PCDH11X: variants seen among roughly 807,000 people sequenced by gnomAD.
PCDH11X encodes the protein protocadherin-11 X-linked.
Under a neutral mutation model 53.3 loss-of-function variants are expected in PCDH11X, and 18 were observed. The ratio of observed to expected loss-of-function variants is 0.34; its 90% confidence interval spans 0.23 to 0.50. The LOEUF is 0.50. Among genes scored for constraint, PCDH11X ranks in the 20% least tolerant of loss-of-function variants. The pLI is 0.98. For synonymous variants in PCDH11X, 279 were observed against 393.3 expected (o/e 0.71, Z 3.44); for missense variants, 570 against 1,032.4 (o/e 0.55, Z 6.14).
intron 6 of PCDH11X, among the ~76,000 whole-genome samples, chrX:92,132,517 A>G (rs778598683): frequency 9.7e-6 from 1 of 102,633 alleles, no homozygotes; most frequent in East Asian, 3.0e-4. Flanking sequence ...CTGAGGCAGG[A>G]GAATCGCTTG....
chrX:91,910,560 T>G (rs1941337272), intron 6 of PCDH11X, among the ~76,000 whole-genome samples: 1 of 110,960 alleles, frequency 9.0e-6, no homozygotes. Context: ...GTTACATCCT[T>G]TTGTTTGTTG....
At chrX:92,218,417 A>G (rs2066772715) in intron 7 of PCDH11X, among the ~76,000 whole-genome samples, 1 of 111,508 alleles carries the variant, frequency 9.0e-6, no homozygotes, top group South Asian at 3.8e-4. Context: ...TACTACAAAC[A>G]CCTCTATGAA....
chrX:92,105,541 C>G, intron 6 of PCDH11X, among the ~76,000 whole-genome samples: 1 of 108,298 alleles, frequency 9.2e-6, no homozygotes, highest in Non-Finnish European at 1.9e-5. Context: ...AGAGAGTCAG[C>G]GAAGGGAGAT....
intron 10 of PCDH11X, among the ~76,000 whole-genome samples, chrX:92,496,822 A>T (rs1482684864): frequency 9.2e-6 from 1 of 108,425 alleles, no homozygotes; most frequent in East Asian, 2.9e-4. Context: ...ATGCCTTTGC[A>T]GTACCCTCAC....
At chrX:91,909,666 G>A (rs1432514519) in intron 6 of PCDH11X, among the ~76,000 whole-genome samples, 81 of 104,511 alleles carry the variant, frequency 7.8e-4, no homozygotes, top group Non-Finnish European at 1.4e-3. Context: ...TGCCTAATAA[G>A]TAGTTGAAAC....
intron 7 of PCDH11X, among the ~76,000 whole-genome samples, chrX:92,235,819 G>T (rs1022246763): frequency 9.0e-6 from 1 of 110,913 alleles, no homozygotes; most frequent in African/African-American, 3.3e-5. Context: ...ACAATAGCTT[G>T]CAATGCATCT....
chrX:91,924,016 CT>C (rs1457610926), intron 6 of PCDH11X, among the ~76,000 whole-genome samples: 4 of 108,628 alleles, frequency 3.7e-5, no homozygotes, highest in African/African-American at 1.3e-4. Flanking sequence ...CATGTACCCC[CT>C]GAATCTAAAA....
intron 7 of PCDH11X, among the ~76,000 whole-genome samples, chrX:92,232,882 A>AT (rs1171274034): frequency 9.1e-6 from 1 of 110,407 alleles, no homozygotes; most frequent in Non-Finnish European, 1.9e-5. Context: ...CGCCCGGCTA[A>AT]TTTTTTGTAT....
intron 6 of PCDH11X, among the ~76,000 whole-genome samples, chrX:92,173,172 C>T (rs1464631642): frequency 9.0e-6 from 1 of 111,674 alleles, no homozygotes; most frequent in African/African-American, 3.3e-5. Flanking sequence ...TTAAGCAATA[C>T]AGAGTATGCC....
At chrX:92,588,296 A>G (rs1239225863) in intron 10 of PCDH11X, among the ~76,000 whole-genome samples, 1 of 97,665 alleles carries the variant, frequency 1.0e-5, no homozygotes, top group South Asian at 5.0e-4. Context: ...TGTTTATTAC[A>G]CTTCTGTCCT....
chrX:92,410,724 T>A, intron 9 of PCDH11X, among the ~76,000 whole-genome samples: 1 of 98,451 alleles, frequency 1.0e-5, no homozygotes, highest in South Asian at 4.6e-4. Context: ...GCAGGAAATG[T>A]TAGGAATTTA....
At chrX:92,245,497 CTT>C (rs747200985) in intron 7 of PCDH11X, among the ~76,000 whole-genome samples, 1 of 112,744 alleles carries the variant, frequency 8.9e-6, no homozygotes, top group African/African-American at 3.2e-5. Context: ...TCACTATACT[CTT>C]GTCTCTGTTC....
Position 91,878,840 on chromosome X carries a change from T to C in PCDH11X, c.2600T>C (p.Met867Thr). 8.3e-7 allele frequency: 1 copy of C among 1,211,067 alleles called. No homozygotes were observed. Among genetic ancestry groups the C allele is most frequent in the Non-Finnish European group, 1.1e-6 (1 of 895,326 alleles). Reference protein sequence around the residue: ...PNPENRQMIMMKKKKKKKKHS... With the variant: ...PNPENRQMIMTKKKKKKKKHS... ...CCAGAAAACAGGCAGATGATAATGA[T>C]GAAGAAAAAGAAAAAGAAGAAGAAG... The change falls in exon 6 of 11, where the codon ATG becomes ACG. Residue 867 changes from methionine (M) to threonine (T), a missense_variant. This residue lies in a region of PCDH11X where 226 missense variants were observed against 457.5 expected (regional missense o/e 0.49). Transcript: ENST00000682573.
At chrX:92,013,493 A>G (rs770009861) in intron 6 of PCDH11X, among the ~76,000 whole-genome samples, 1,572 of 111,728 alleles carry the variant, frequency 0.014, 32 homozygotes, top group African/African-American at 0.049. Flanking sequence ...ATCCCCATCA[A>G]GCTACCAATG....
At chrX:92,280,742 A>G (rs941036935) in intron 8 of PCDH11X, among the ~76,000 whole-genome samples, 1 of 109,834 alleles carries the variant, frequency 9.1e-6, no homozygotes, top group African/African-American at 3.3e-5. Context: ...GTTACTTTGA[A>G]CAAACAAATC....
chrX:91,858,627 T>C (rs1281996480), intron 5 of PCDH11X, among the ~76,000 whole-genome samples: 3 of 109,087 alleles, frequency 2.8e-5, no homozygotes, highest in Non-Finnish European at 5.7e-5. Context: ...AAATTTCTTC[T>C]GCCGGATACC....
chrX:91,797,174 GT>G (rs780628655), intron 1 of PCDH11X, among the ~76,000 whole-genome samples: 23 of 109,968 alleles, frequency 2.1e-4, no homozygotes, highest in African/African-American at 7.2e-4. Context: ...CAGCTTAATT[GT>G]AGGAGAAATA....
chrX:92,261,325 G>A (rs1248944714), intron 7 of PCDH11X, among the ~76,000 whole-genome samples: 1 of 111,322 alleles, frequency 9.0e-6, no homozygotes, highest in Non-Finnish European at 1.9e-5. Flanking sequence ...GGCAAAAGTA[G>A]CACAGCATAA....
At chrX:92,331,232 A>T (rs1289857628) in intron 8 of PCDH11X, among the ~76,000 whole-genome samples, 2 of 99,757 alleles carry the variant, frequency 2.0e-5, no homozygotes, top group Non-Finnish European at 4.1e-5. Context: ...TCCTGTCTTG[A>T]TATCATTCAT....
Sources: gnomAD v4.1 joint callset for allele counts (sites outside exome capture counted in the v4.1 genomes callset) on GRCh38, gnomAD v4.1.1 for gene constraint, gnomAD v4.1.1 regional missense constraint, MANE v1.5 for transcripts, NCBI Gene and HGNC (gene_info 2026-07-23, HGNC 2026-07-21) for gene names.